Variants in NAF1 observed in about 807,000 individuals in gnomAD.
NAF1 encodes nuclear assembly factor 1 ribonucleoprotein, also known as H/ACA ribonucleoprotein complex non-core subunit NAF1.
Under a neutral mutation model 40.6 loss-of-function variants are expected in NAF1, and 11 were observed. That is an observed-to-expected ratio of 0.27 (90% CI 0.17 to 0.45). The LOEUF is 0.45. NAF1 is among the 20% of genes least tolerant of loss of function. The pLI, the probability that NAF1 is intolerant of heterozygous loss-of-function variation, is 1.00. For missense variants in NAF1, 607 were observed against 611.1 expected, an observed-to-expected ratio of 0.99 and a Z score of 0.07; for synonymous variants, 260 against 228.5, an observed-to-expected ratio of 1.14 and a Z score of -1.24.
intron 2 of NAF1, among the ~76,000 whole-genome samples, chr4:163,153,978 A>T (rs1057385067): frequency 2.6e-5 from 4 of 152,000 alleles, no homozygotes; most frequent in Admixed American, 1.3e-4. Context: ...CACTGGGAGG[A>T]ACAAACAACT....
At chr4:163,127,910 CAGA>C (rs1730715722), downstream of NAF1, among the ~76,000 whole-genome samples, 1 of 152,132 alleles carries the variant, frequency 6.6e-6, no homozygotes, top group African/African-American at 2.4e-5. Context: ...ATAAGAAAAC[CAGA>C]AGAACTAGGT....
chr4:163,125,034 T>C (rs554060056), downstream of NAF1, among the ~76,000 whole-genome samples: 30 of 152,170 alleles, frequency 2.0e-4, no homozygotes, highest in Admixed American at 1.8e-3. Context: ...GATGTTACTA[T>C]TGTTTTGGAG....
At chr4:163,139,010 T>C in intron 5 of NAF1, among the ~76,000 whole-genome samples, 1 of 152,158 alleles carries the variant, frequency 6.6e-6, no homozygotes, top group Middle Eastern at 3.2e-3. Context: ...ATGTGAAGAA[T>C]AACTTAGGCA....
At chr4:163,116,825 G>A (rs755721632) in intron 2 of NAF1, among the ~76,000 whole-genome samples, 29 of 151,994 alleles carry the variant, frequency 1.9e-4, no homozygotes, top group South Asian at 1.0e-3. Flanking sequence ...TTTCAGGGAC[G>A]ACCACCCTAC....
chr4:163,159,681 G>A (rs1385901537), intron 2 of NAF1, among the ~76,000 whole-genome samples: 4 of 151,556 alleles, frequency 2.6e-5, no homozygotes, highest in African/African-American at 9.8e-5. Context: ...AGAATAGAGT[G>A]TACTCAACCT....
At chr4:163,127,518 G>T (rs1730701333), downstream of NAF1, among the ~76,000 whole-genome samples, 1 of 152,146 alleles carries the variant, frequency 6.6e-6, no homozygotes, top group South Asian at 2.1e-4. Context: ...TGTGGAAAAG[G>T]ATTTGGGTTT....
chr4:163,125,386 A>G (rs1013618701), downstream of NAF1, among the ~76,000 whole-genome samples: 4 of 152,274 alleles, frequency 2.6e-5, no homozygotes, highest in African/African-American at 7.2e-5. Flanking sequence ...AACTAAAAGT[A>G]CTACTCCAGT....
At chr4:163,127,157 T>A, downstream of NAF1, 1 of 1,537,786 alleles carries the variant, frequency 6.5e-7, no homozygotes, top group Non-Finnish European at 8.8e-7. Context: ...TGAGATGGAG[T>A]CTTGCTCTGC....
intron 2 of NAF1, among the ~76,000 whole-genome samples, chr4:163,158,679 TTAAATATAAAAC>T (rs1732089947): frequency 6.6e-6 from 1 of 152,120 alleles, no homozygotes; most frequent in African/African-American, 2.4e-5. Context: ...TTTAATTTGC[TTAAATATAAAAC>T]TATAGTCCAT....
At position 163,140,356 on chromosome 4, in the gene NAF1, G is replaced by A. The variant is rs753783247; in HGVS notation, c.745C>T (p.His249Tyr). The A allele has an allele frequency of 5.0e-6, 8 of 1,605,640 alleles. No individual in the cohort carries two copies. Among genetic ancestry groups the A allele is most frequent in the South Asian group, 1.1e-5 (1 of 89,032 alleles). The change falls in exon 5 of 8, where the codon CAT (histidine) becomes TAT (tyrosine). Residue 249 changes from histidine to tyrosine, a missense_variant. Around this residue, in one of 3 missense-constraint regions of NAF1, gnomAD observed 407 missense variants for 365.5 expected, o/e 1.11. Coordinates refer to ENST00000274054, the MANE Select transcript of NAF1 (RefSeq NM_138386.3). ...KIFEIFGPVA[H>Y]PFYVLRFNSS... ...TTAAACCGTAACACATAAAATGGAT[G>A]TGCAACAGGTCCAAATATCTCGAAT...
chr4:163,160,672 A>G (rs1010105804), intron 2 of NAF1, among the ~76,000 whole-genome samples: 5 of 152,192 alleles, frequency 3.3e-5, no homozygotes, highest in African/African-American at 1.2e-4. Context: ...AACTCTTTAG[A>G]AAGTGGTTGG....
chr4:163,108,028 A>G (rs1730077237), downstream of NAF1, among the ~76,000 whole-genome samples: 1 of 152,240 alleles, frequency 6.6e-6, no homozygotes, highest in Non-Finnish European at 1.5e-5. Context: ...ATTGTCAAGT[A>G]TATTTCAAAC....
downstream of NAF1, among the ~76,000 whole-genome samples, chr4:163,105,655 C>G (rs187763124): frequency 1.7e-3 from 254 of 152,200 alleles, no homozygotes; most frequent in Middle Eastern, 3.4e-3. Context: ...ATATTATAAG[C>G]AAAATTTCAT....
chr4:163,104,554 C>T, the NAF1 span, among the ~76,000 whole-genome samples: 2 of 152,090 alleles, frequency 1.3e-5, no homozygotes, highest in Non-Finnish European at 2.9e-5. Flanking sequence ...ACCTTGGACA[C>T]CCAAAGATGT....
intron 2 of NAF1, among the ~76,000 whole-genome samples, chr4:163,112,739 T>C (rs1730201532): frequency 6.6e-6 from 1 of 152,182 alleles, no homozygotes; most frequent in Non-Finnish European, 1.5e-5. Context: ...CAGCTCTATG[T>C]CCACCCAATA....
exon 3 of NAF1, chr4:163,110,281 C>T: frequency 2.9e-6 from 2 of 701,266 alleles, no homozygotes; most frequent in South Asian, 1.5e-5. Flanking sequence ...TACCTTCAGT[C>T]AACCATGGTC....
At position 163,145,835 on chromosome 4, in the gene NAF1, G is replaced by A; in HGVS notation, c.664C>T (p.Pro222Ser). 1.3e-6 allele frequency: 2 copies of A among 1,579,622 alleles called. No individual in the cohort carries two copies. Among genetic ancestry groups the A allele is most frequent in the Middle Eastern group, 1.7e-4 (1 of 5,952 alleles). The stretch of plus-strand genomic sequence containing the variant: ...AAAATTACAGTCTCCTCATTAACTG[G>A]AGGTAGGTTAGTCATAGATTCAATT... ...VIIESMTNLPPVNEETVIFKS... is the reference protein window; with the variant it reads ...VIIESMTNLPSVNEETVIFKS... The change falls in exon 4 of 8, where the codon CCA (proline) becomes TCA (serine). Residue 222 changes from proline (P) to serine (S), a missense_variant. Pro to Ser is a moderately conservative substitution (Grantham distance 74). This residue lies in a region of NAF1 where 407 missense variants were observed against 365.5 expected (regional missense o/e 1.11). Transcript: ENST00000274054.
At chr4:163,137,288 T>C in intron 5 of NAF1, 38 bp from the exon 6 acceptor site, 2 of 1,587,554 alleles carry the variant, frequency 1.3e-6, no homozygotes, top group Non-Finnish European at 1.7e-6. Flanking sequence ...AAAGTATTCA[T>C]CACAATTCTA....
rs1204112321 is a variant in NAF1 at position 163,166,488 on chromosome 4, C to T, written c.240G>A (p.Ala80=). 6.3e-7 allele frequency: 1 copy of T among 1,599,432 alleles called. No individual in the cohort carries two copies. ...ATTCAGCCGGTGGCTGTGGCTGCGGCGCCGGGGTCCCGGCCGCGACGGCGT... is the reference window on the plus strand; with the variant it reads ...ATTCAGCCGGTGGCTGTGGCTGCGGTGCCGGGGTCCCGGCCGCGACGGCGT... The part of the protein sequence containing the change: ...VLNAVAAGTP[A]PQPQPPAESP... Residue 80 remains alanine, a synonymous_variant, in exon 1 of 8, where the codon GCG becomes GCA. Coordinates refer to ENST00000274054, the MANE Select transcript of NAF1 (RefSeq NM_138386.3).
Sources: gnomAD v4.1 joint callset for allele counts (sites outside exome capture counted in the v4.1 genomes callset) on GRCh38, gnomAD v4.1.1 for gene constraint, gnomAD v4.1.1 regional missense constraint, MANE v1.5 for transcripts, NCBI Gene and HGNC (gene_info 2026-07-23, HGNC 2026-07-21) for gene names.